Variants in TNFRSF10D observed in about 807,000 individuals in gnomAD.
The protein encoded by TNFRSF10D is tumor necrosis factor receptor superfamily member 10D.
TNFRSF10D carries 28 observed loss-of-function variants against 42.1 expected under a neutral mutation model. The observed-to-expected ratio is 0.66, with a 90% CI of 0.49 to 0.91. The LOEUF is 0.91. TNFRSF10D is among the 40% of genes least tolerant of loss of function. TNFRSF10D has a pLI of 0.00. For synonymous variants in TNFRSF10D, 186 were observed against 189.4 expected, an observed-to-expected ratio of 0.98 and a Z score of 0.15; for missense variants, 503 against 486.1, an observed-to-expected ratio of 1.03 and a Z score of -0.33.
intron 3 of TNFRSF10D, among the ~76,000 whole-genome samples, chr8:23,147,598 T>A (rs1319378560): frequency 1.3e-5 from 2 of 152,112 alleles, no homozygotes; most frequent in Non-Finnish European, 2.9e-5. Flanking sequence ...CAGGCAATAG[T>A]TTAGAAGATT....
Position 23,144,551 on chromosome 8 carries a change from A to G in TNFRSF10D, c.853T>C (p.Leu285=), listed in dbSNP as rs767678581. The G allele has an allele frequency of 1.2e-6, 2 of 1,614,146 alleles. No individual in the cohort carries two copies. Among genetic ancestry groups the G allele is most frequent in the South Asian group, 2.2e-5 (2 of 91,076 alleles). The change falls in exon 7 of 9, where the codon TTG becomes CTG. Residue 285 remains leucine, a synonymous_variant. Coordinates refer to ENST00000312584, the MANE Select transcript of TNFRSF10D (RefSeq NM_003840.5). The part of the protein sequence containing the change: ...ARNETLSNRY[L]QPTQVSEQEI... ...TGCTCAGAGACCTGGGTGGGCTGCA[A>G]GTATCTGTTACTCAGGGTCTCGTTG...
Position 23,159,038 on chromosome 8 carries a change from G to A in TNFRSF10D, c.151-4059C>T, listed in dbSNP as rs1800322427. On this transcript the variant is annotated intron_variant, in intron 1 of 8. Coordinates refer to ENST00000312584, the MANE Select transcript of TNFRSF10D (RefSeq NM_003840.5). The stretch of plus-strand genomic sequence containing the variant: ...TAGATTAGTTGTATTTTAATAAGAT[G>A]AGGAATCACATGGTATGCATTCTGC... Among the ~76,000 whole-genome samples the A allele has an allele frequency of 2.6e-5, 4 of 152,216 alleles. No homozygotes were observed. In the South Asian group the frequency reaches 8.3e-4, roughly 32 times the overall value.
intron 1 of TNFRSF10D, among the ~76,000 whole-genome samples, chr8:23,158,134 T>C (rs541096646): frequency 1.3e-5 from 2 of 151,756 alleles, no homozygotes; most frequent in South Asian, 4.2e-4. Context: ...CCTTCTTTTC[T>C]TTCCGTTCCT....
At chr8:23,147,879 G>A (rs568092207) in intron 3 of TNFRSF10D, among the ~76,000 whole-genome samples, 167 of 151,816 alleles carry the variant, frequency 1.1e-3, no homozygotes, top group South Asian at 6.3e-3. Flanking sequence ...TGGCTAACAC[G>A]GTGAAACCCC....
At chr8:23,142,069 A>C (rs1800032032) in intron 7 of TNFRSF10D, among the ~76,000 whole-genome samples, 1 of 152,216 alleles carries the variant, frequency 6.6e-6, no homozygotes, top group South Asian at 2.1e-4. Context: ...CAGGAATTCA[A>C]GACCAGCCTG....
chr8:23,140,783 C>A (rs1814450895), intron 7 of TNFRSF10D, among the ~76,000 whole-genome samples: 1 of 152,160 alleles, frequency 6.6e-6, no homozygotes, highest in South Asian at 2.1e-4. Flanking sequence ...GTAAGATGTG[C>A]CTTTGCTCAT....
At chr8:23,142,193 C>T (rs983996133) in intron 7 of TNFRSF10D, among the ~76,000 whole-genome samples, 1 of 152,054 alleles carries the variant, frequency 6.6e-6, no homozygotes, top group African/African-American at 2.4e-5. Context: ...CTGCTTAAAC[C>T]TGGAGGGGCG....
At chr8:23,160,259 CTCACTT>C (rs1563363886) in intron 1 of TNFRSF10D, among the ~76,000 whole-genome samples, 3 of 152,192 alleles carry the variant, frequency 2.0e-5, no homozygotes, top group African/African-American at 7.2e-5. Flanking sequence ...TCCTGGGTGA[CTCACTT>C]TCCCCCCAAG....
chr8:23,145,431 C>T (rs1800101197), intron 5 of TNFRSF10D, among the ~76,000 whole-genome samples: 1 of 152,196 alleles, frequency 6.6e-6, no homozygotes, highest in South Asian at 2.1e-4. Context: ...TGGCCCTGCC[C>T]TCCTGGAGTT....
Position 23,136,011 on chromosome 8 carries a change from C to G in TNFRSF10D, c.*1859G>C, listed in dbSNP as rs1455123627. The G allele has an allele frequency of 4.7e-6, 2 of 428,306 alleles. No individual in the cohort carries two copies. The highest frequency in any genetic ancestry group is 9.3e-6 in the Non-Finnish European group (2 of 214,592). 26.5% of individuals were successfully genotyped at this position (428,306 alleles called of 1,614,324 possible). ...AGTGCGAAGACCGGAAAGGCCATCC[C>G]CTCCTAAAACTCCATGGACACAACA... On this transcript the variant is annotated 3_prime_UTR_variant, in exon 9 of 9. Transcript: ENST00000312584.
At position 23,137,348 on chromosome 8, in the gene TNFRSF10D, G is replaced by A. The variant is rs1311063025; in HGVS notation, c.*522C>T. 1.3e-5 allele frequency: 2 copies of A among 152,490 alleles called. No homozygotes were observed. Among genetic ancestry groups the A allele is most frequent in the East Asian group, 3.8e-4 (2 of 5,198 alleles). 9.4% of individuals were successfully genotyped at this position (152,490 alleles called of 1,614,324 possible). A position where few individuals can be genotyped will look rare whatever the true frequency, so the allele number is the denominator to read the frequency against. On this transcript the variant is annotated 3_prime_UTR_variant, in exon 9 of 9. Transcript: ENST00000312584. ...ATAAGGCAAAGCATTGTGGCTGTGC[G>A]GCATCTGTAGTTAGATGTCATTAAA... is the stretch of plus-strand genomic sequence containing the variant.
At chr8:23,147,385 G>T (rs1456153266) in intron 3 of TNFRSF10D, among the ~76,000 whole-genome samples, 2 of 152,220 alleles carry the variant, frequency 1.3e-5, no homozygotes, top group African/African-American at 4.8e-5. Context: ...GCCCTTGGGG[G>T]ACTTCCCAAA....
chr8:23,144,118 A>G (rs1160975468), intron 7 of TNFRSF10D, among the ~76,000 whole-genome samples: 1 of 152,236 alleles, frequency 6.6e-6, no homozygotes, highest in African/African-American at 2.4e-5. Context: ...CGCTGTTTCA[A>G]GCAAGGGCTC....
chr8:23,151,890 T>C (rs1228602872), intron 2 of TNFRSF10D, among the ~76,000 whole-genome samples: 1 of 152,234 alleles, frequency 6.6e-6, no homozygotes, highest in African/African-American at 2.4e-5. Context: ...TTTCTCTCTG[T>C]AGAGTGGCTA....
At chr8:23,138,911 C>T (rs180802589) in intron 7 of TNFRSF10D, among the ~76,000 whole-genome samples, 826 of 151,836 alleles carry the variant, frequency 5.4e-3, no homozygotes, top group African/African-American at 0.017. Flanking sequence ...ACTTTGGAGG[C>T]CTTCCCCAGA....
At chr8:23,143,739 C>G (rs942476490) in intron 7 of TNFRSF10D, among the ~76,000 whole-genome samples, 40 of 152,144 alleles carry the variant, frequency 2.6e-4, no homozygotes, top group Non-Finnish European at 5.9e-5. Flanking sequence ...GGGAATTCCT[C>G]ACTTCACACA....
In TNFRSF10D at chr8:23,144,474, C is replaced by A. The variant is rs554521683; in HGVS notation, c.930G>T (p.Leu310Phe). Residue 310 changes from leucine to phenylalanine, a missense_variant, in exon 7 of 9, where the codon TTG (leucine) becomes TTT (phenylalanine). Leu to Phe is a conservative substitution (Grantham distance 22). Transcript: ENST00000312584. ...CCAGCAGACGCTGTGGCTCCTCTGG[C>A]AACTCTACAGTCACACCTGTTAGCT... ...LAELTGVTVE[L>F]PEEPQRLLEQ... 2.0e-4 allele frequency: 318 copies of A among 1,614,056 alleles called. 2 individuals are homozygous for A. The East Asian group carries it at 7.0e-3, about 35-fold the overall frequency.
intron 2 of TNFRSF10D, among the ~76,000 whole-genome samples, chr8:23,151,213 C>A (rs777070596): frequency 6.6e-6 from 1 of 152,090 alleles, no homozygotes; most frequent in Non-Finnish European, 1.5e-5. Context: ...GGCTTCTCAG[C>A]AGAAAACCTA....
chr8:23,160,144 T>C (rs1409642778), intron 1 of TNFRSF10D, among the ~76,000 whole-genome samples: 601 of 151,540 alleles, frequency 4.0e-3, no homozygotes, highest in African/African-American at 0.012. Context: ...TGGTGTCACC[T>C]CACCCACCAC....
Sources: allele counts gnomAD v4.1 joint callset (sites outside exome capture counted in the v4.1 genomes callset), GRCh38; gene constraint gnomAD v4.1.1; transcripts MANE v1.5; gene names NCBI Gene and HGNC (gene_info 2026-07-23, HGNC 2026-07-21).